MYOM2: variants seen among roughly 807,000 people sequenced by gnomAD.
MYOM2 encodes myomesin-2.
A neutral mutation model predicts 187.6 loss-of-function variants in MYOM2; 254 were observed. The observed-to-expected ratio is 1.35, with a 90% CI of 1.22 to 1.50. The LOEUF is 1.50. Ranked by LOEUF, MYOM2 falls within the 40% of genes most tolerant of loss-of-function variation. The pLI is 0.00. For missense variants in MYOM2, 2,796 were observed against 1,924.0 expected, an observed-to-expected ratio of 1.45 and a Z score of -8.48; for synonymous variants, 981 against 753.8, an observed-to-expected ratio of 1.30 and a Z score of -4.94.
At chr8:2,104,731 G>T (rs944758791) in intron 21 of MYOM2, among the ~76,000 whole-genome samples, 1 of 152,062 alleles carries the variant, frequency 6.6e-6, no homozygotes, top group Non-Finnish European at 1.5e-5. Flanking sequence ...AGGGCCTCCC[G>T]CTGCCCCACA....
intron 32 of MYOM2, among the ~76,000 whole-genome samples, chr8:2,135,814 T>G (rs2116903404): frequency 6.6e-6 from 1 of 152,330 alleles, no homozygotes; most frequent in South Asian, 2.1e-4. Context: ...ACAGTTATAA[T>G]TAATTCAGCG....
At chr8:2,083,747 A>G (rs1468017691) in intron 13 of MYOM2, among the ~76,000 whole-genome samples, 1 of 152,246 alleles carries the variant, frequency 6.6e-6, no homozygotes, top group Non-Finnish European at 1.5e-5. Context: ...GAGAATCTGC[A>G]AATCCGCAAG....
rs530394965 is a variant in MYOM2, at chr8:2,060,638, A to G, written c.653+1393A>G. Among the ~76,000 whole-genome samples the G allele has an allele frequency of 2.6e-5, 4 of 152,332 alleles. No homozygotes were observed. The South Asian group carries it at 8.3e-4, about 32-fold the overall frequency. On this transcript the variant is annotated intron_variant, in intron 6 of 36. Transcript: ENST00000262113. ...TTCTTCAGAGGAAAAGGTGCCTGCT[A>G]ATTCCCAGAGGGAGCTCAGAGGAGC...
intron 3 of MYOM2, among the ~76,000 whole-genome samples, chr8:2,053,404 C>A (rs2129327777): frequency 6.6e-6 from 1 of 152,248 alleles, no homozygotes; most frequent in Non-Finnish European, 1.5e-5. Context: ...TTAAAGGGTT[C>A]TTCTACCTAT....
chr8:2,051,373 T>G (rs1205649968), intron 2 of MYOM2, among the ~76,000 whole-genome samples: 1 of 152,052 alleles, frequency 6.6e-6, no homozygotes, highest in African/African-American at 2.4e-5. Flanking sequence ...CGGAAGCTTC[T>G]CGGGGATGGC....
intron 32 of MYOM2, among the ~76,000 whole-genome samples, chr8:2,140,052 A>G (rs1399744504): frequency 2.0e-5 from 3 of 152,058 alleles, no homozygotes; most frequent in East Asian, 1.9e-4. Flanking sequence ...CTCTGTTCCC[A>G]TTAAACCCTC....
chr8:2,072,361 G>C lies in MYOM2; in HGVS notation c.810G>C (p.Met270Ile), dbSNP rs773164212. 3 of 1,613,478 alleles carry C rather than the reference G, an allele frequency of 1.9e-6. No individual in the cohort carries two copies. In the African/African-American group the frequency reaches 4.0e-5, roughly 22 times the overall value. ...TCTGTGCAGTGCCCCTGTCATCGAT[G>C]ATTCCGTACACGCACTTCGACGTCC... ...GLPIGLPLSS[M>I]IPYTHFDVQF... Residue 270 changes from methionine to isoleucine, a missense_variant, in exon 9 of 37, where the codon ATG (methionine) becomes ATC (isoleucine). Met to Ile is a conservative substitution (Grantham distance 10, BLOSUM62 1). Transcript: ENST00000262113.
chr8:2,076,290 T>C lies in MYOM2; in HGVS notation c.1262+8T>C. 6.2e-7 allele frequency: 1 copy of C among 1,612,872 alleles called. No homozygotes were observed. Among genetic ancestry groups the C allele is most frequent in the Non-Finnish European group, 8.5e-7 (1 of 1,179,672 alleles). ...GGGCTATTTTGTGGACCGGTGAGCG[T>C]CTTGCATTCTCCCGGGGATGGGAAC... is the stretch of plus-strand genomic sequence containing the variant. On this transcript the variant is annotated splice_region_variant and intron_variant, in intron 11 of 36. Transcript: ENST00000262113.
chr8:2,055,800 C>T (rs1021904157), intron 3 of MYOM2, among the ~76,000 whole-genome samples: 2 of 152,174 alleles, frequency 1.3e-5, no homozygotes, highest in African/African-American at 2.4e-5. Context: ...CAACCTGCAG[C>T]GGGTCTCAGT....
At chr8:2,122,718 C>T (rs542653356) in intron 28 of MYOM2, among the ~76,000 whole-genome samples, 19 of 152,268 alleles carry the variant, frequency 1.2e-4, no homozygotes, top group Admixed American at 3.9e-4. Flanking sequence ...TTCGGAGTTC[C>T]GCAAAGCTTA....
chr8:2,124,279 C>T (rs911029448), intron 31 of MYOM2, 62 bp downstream of exon 31: 47 of 1,497,086 alleles, frequency 3.1e-5, no homozygotes, highest in South Asian at 9.3e-5. Context: ...TTTCCTGACA[C>T]GGGAAGTCAC....
intron 6 of MYOM2, among the ~76,000 whole-genome samples, chr8:2,061,203 C>T (rs1315617940): frequency 6.6e-6 from 1 of 151,650 alleles, no homozygotes; most frequent in African/African-American, 2.4e-5. Flanking sequence ...TCTCTGTCCC[C>T]ATCCAGCCTG....
chr8:2,130,840 G>T (rs61610885), intron 32 of MYOM2, among the ~76,000 whole-genome samples: 21,184 of 152,178 alleles, frequency 0.14, 2,583 homozygotes, highest in African/African-American at 0.31. Flanking sequence ...ATTGTTTATC[G>T]GGATTTATTT....
chr8:2,063,409 T>A (rs1818913175), intron 6 of MYOM2, among the ~76,000 whole-genome samples: 1 of 152,200 alleles, frequency 6.6e-6, no homozygotes. Flanking sequence ...TTGGTACTAT[T>A]TTATTTTAAA....
rs1161694822 is a variant in MYOM2 at position 2,123,343 on chromosome 8, T to C, written c.3545T>C (p.Ile1182Thr). 6.2e-7 allele frequency: 1 copy of C among 1,613,206 alleles called. No individual in the cohort carries two copies. ...ACACTGCCTAACCTGGAGAGGGGAA[T>C]CTGTGAGCTCCTCATCCCAAAGGTA... ...TETLPNLERG[I>T]CELLIPKLSK... is the part of the protein sequence containing the mutation. The change falls in exon 29 of 37, where the codon ATC becomes ACC. Residue 1182 changes from isoleucine to threonine, a missense_variant. Transcript: ENST00000262113.
Position 2,072,386 on chromosome 8 carries a change from C to T in MYOM2, c.835C>T (p.Gln279Ter), listed in dbSNP as rs748329843. 5.0e-6 allele frequency: 8 copies of T among 1,613,792 alleles called. No individual in the cohort carries two copies. In the Admixed American group the frequency reaches 1.3e-4, roughly 27 times the overall value. Residue 279 changes from glutamine to a stop codon, truncating the protein, a stop_gained, in exon 9 of 37, where the codon CAG (glutamine) becomes TAG (stop). Transcript: ENST00000262113. LOFTEE classifies it high-confidence loss of function. ...SMIPYTHFDVQFLEKFGVTFR... is the reference protein window; with the variant it reads ...SMIPYTHFDV ...GATTCCGTACACGCACTTCGACGTC[C>T]AGTTTTTGGAGAAGTTTGGGGTCAC...
intron 21 of MYOM2, among the ~76,000 whole-genome samples, chr8:2,105,581 G>A (rs1484132034): frequency 6.6e-6 from 1 of 152,230 alleles, no homozygotes; most frequent in East Asian, 1.9e-4. Context: ...GGAGATTCCA[G>A]AGAGAACAGG....
rs11994375 is a variant in MYOM2, at chr8:2,101,159, A to C, written c.2619+105A>C. On this transcript the variant is annotated intron_variant, in intron 20 of 36. Coordinates refer to ENST00000262113, the MANE Select transcript of MYOM2 (RefSeq NM_003970.4). ...TCAGGAGTTCGAAACCAGCCTGGCC[A>C]ACATGGAGAAGCCCCGTCTCTACTA... is the stretch of plus-strand genomic sequence containing the variant. The C allele has an allele frequency of 4.5e-3, 5,077 of 1,126,854 alleles. 169 individuals are homozygous for C. The African/African-American group carries it at 0.069, about 15-fold the overall frequency. 69.8% of individuals were successfully genotyped at this position (1,126,854 alleles called of 1,614,324 possible). A position where few individuals can be genotyped will look rare whatever the true frequency, so the allele number is the denominator to read the frequency against.
rs369374390 is a variant in MYOM2, at chr8:2,050,843, G to A, written c.77G>A (p.Arg26Gln). ...FDQSYRNIQT[R>Q]YLLDEYASKK... ...CAGTCCTACCGTAATATTCAAACAC[G>A]GTACCTGCTGGACGAATATGCGTCA... The change falls in exon 2 of 37, where the codon CGG becomes CAG. Residue 26 changes from arginine to glutamine, a missense_variant. By Grantham distance (43) the Arg-to-Gln change is conservative. Transcript: ENST00000262113. 30 of 1,612,096 alleles carry A rather than the reference G, an allele frequency of 1.9e-5. No homozygotes were observed. Among genetic ancestry groups the A allele is most frequent in the Middle Eastern group, 1.6e-4 (1 of 6,080 alleles).
Sources: allele counts gnomAD v4.1 joint callset (sites outside exome capture counted in the v4.1 genomes callset), GRCh38; gene constraint gnomAD v4.1.1; transcripts MANE v1.5; gene names NCBI Gene and HGNC (gene_info 2026-07-23, HGNC 2026-07-21).